Variants in GABRE observed in about 807,000 individuals in gnomAD.
The protein encoded by GABRE is gamma-aminobutyric acid receptor subunit epsilon.
Under a neutral mutation model 31.0 loss-of-function variants are expected in GABRE, and 20 were observed. The observed-to-expected ratio is 0.64, with a 90% CI of 0.45 to 0.94. The LOEUF (loss-of-function observed/expected upper bound fraction) is 0.94. Ranked by LOEUF, GABRE falls within the 40% of genes least tolerant of loss-of-function variation. GABRE has a pLI of 0.00. For missense variants in GABRE, 420 were observed against 410.7 expected, an observed-to-expected ratio of 1.02 and a Z score of -0.20; for synonymous variants, 155 against 150.6, an observed-to-expected ratio of 1.03 and a Z score of -0.21.
At chrX:151,965,668 C>T (rs140252564) in intron 3 of GABRE, among the ~76,000 whole-genome samples, 1 of 113,072 alleles carries the variant, frequency 8.8e-6, no homozygotes, top group East Asian at 2.8e-4. Context: ...TAGGTCTTTC[C>T]GCTGACTTCT....
At chrX:151,958,981 T>A in intron 6 of GABRE, 1 of 327,810 alleles carries the variant, frequency 3.1e-6, no homozygotes, top group Non-Finnish European at 6.0e-6. Context: ...CAGAACAAGA[T>A]GCCTCTCACG....
In GABRE at chrX:151,960,912, A is replaced by T. The variant is rs190981804; in HGVS notation, c.646+371T>A. Among the ~76,000 whole-genome samples the T allele has an allele frequency of 2.7e-5, 3 of 112,023 alleles. No individual in the cohort carries two copies. The East Asian group carries it at 8.5e-4, about 32-fold the overall frequency. On this transcript the variant is annotated intron_variant, in intron 5 of 8. Coordinates refer to ENST00000370328, the MANE Select transcript of GABRE (RefSeq NM_004961.4). ...TCTTCAATGAGACAGATGGGAACCC[A>T]GAAGCAACACACTTGTTTTGGTGGT...
intron 1 of GABRE, chrX:151,971,947 A>C (rs1934718518): frequency 5.4e-6 from 2 of 373,378 alleles, no homozygotes; most frequent in Non-Finnish European, 3.3e-6. Flanking sequence ...TTCCTGATCT[A>C]GGTGTTGGTT....
At chrX:151,966,199 G>A (rs896976757) in intron 3 of GABRE, among the ~76,000 whole-genome samples, 3 of 112,562 alleles carry the variant, frequency 2.7e-5, no homozygotes, top group Admixed American at 9.4e-5. Flanking sequence ...AAAGGAGCTT[G>A]CGATGTACAT....
chrX:151,965,350 C>T (rs376861102), intron 3 of GABRE, among the ~76,000 whole-genome samples: 100 of 111,317 alleles, frequency 9.0e-4, no homozygotes, highest in African/African-American at 3.1e-3. Flanking sequence ...ATTGTCTGTC[C>T]CATAAAATGT....
chrX:151,962,701 A>C, intron 3 of GABRE, 58 bp from the exon 4 acceptor site: 1 of 969,676 alleles, frequency 1.0e-6, no homozygotes. Context: ...GGACATTCAC[A>C]TGCAAACATA....
rs945279167 is a variant in GABRE at position 151,953,914 on chromosome X, G to T, written c.*787C>A. On this transcript the variant is annotated 3_prime_UTR_variant, in exon 9 of 9. Coordinates refer to ENST00000370328, the MANE Select transcript of GABRE (RefSeq NM_004961.4). ...ACAGGGGTCAAAGAGAAGGAAGAGG[G>T]TGGCATATAAAGCAGGGAGTAGTTA... 1.8e-5 allele frequency: 2 copies of T among 112,081 alleles called. No homozygotes were observed. Among genetic ancestry groups the T allele is most frequent in the Non-Finnish European group, 3.8e-5 (2 of 53,230 alleles). The allele number at this position is 112,081 out of a possible 1,213,427, so 9.2% of individuals were successfully genotyped here.
At chrX:151,967,456 C>G (rs190568142) in intron 3 of GABRE, among the ~76,000 whole-genome samples, 1 of 111,832 alleles carries the variant, frequency 8.9e-6, no homozygotes, top group African/African-American at 3.3e-5. Flanking sequence ...AGAATAGCAT[C>G]GTGAGCCACT....
chrX:151,974,647 C>A lies in GABRE; in HGVS notation c.-22G>T, dbSNP rs201582441. The A allele has an allele frequency of 8.7e-4, 990 of 1,141,471 alleles. 5 individuals are homozygous for A. In the African/African-American group the frequency reaches 0.015, roughly 17 times the overall value. 94.1% of individuals were successfully genotyped at this position (1,141,471 alleles called of 1,213,427 possible). ...ACATTTCCGCGGAGACCGGCGCGAC[C>A]ACCTGCGCGGAGGTCGCGGCTCACG... On this transcript the variant is annotated 5_prime_UTR_variant, in exon 1 of 9. Transcript: ENST00000370328.
chrX:151,967,610 T>C (rs771004817), intron 3 of GABRE, among the ~76,000 whole-genome samples: 1 of 112,525 alleles, frequency 8.9e-6, no homozygotes, highest in Non-Finnish European at 1.9e-5. Flanking sequence ...GCTAAATTCA[T>C]ACCCATTTTT....
intron 3 of GABRE, among the ~76,000 whole-genome samples, chrX:151,966,054 T>C (rs754644550): frequency 2.7e-5 from 3 of 112,568 alleles, no homozygotes; most frequent in Non-Finnish European, 3.8e-5. Flanking sequence ...TGGGAAGCCT[T>C]GCCCTCTGCA....
At chrX:151,974,493 GTCCC>G in intron 1 of GABRE, 73 bp downstream of exon 1, 1 of 699,370 alleles carries the variant, frequency 1.4e-6, no homozygotes, top group Non-Finnish European at 2.1e-6. Context: ...GGCCGCTGGG[GTCCC>G]GGGAGCCGTC....
At chrX:151,961,096 C>T (rs1001397434) in intron 5 of GABRE, 187 bp downstream of exon 5, 5 of 410,914 alleles carry the variant, frequency 1.2e-5, no homozygotes, top group African/African-American at 7.7e-5. Context: ...TTCAGAGGCA[C>T]GTGGAAGGGA....
At chrX:151,972,195 T>C in intron 1 of GABRE, 7 of 754,093 alleles carry the variant, frequency 9.3e-6, no homozygotes, top group Non-Finnish European at 1.1e-5. Context: ...CTGTTAGAAT[T>C]GCTTAAGTGG....
Position 151,974,197 on chromosome X carries a change from G to A in GABRE, c.56+373C>T, listed in dbSNP as rs751345564. 4.5e-5 allele frequency among the ~76,000 whole-genome samples: 5 copies of A among 111,977 alleles called. No homozygotes were observed. The South Asian group carries it at 1.9e-3, about 42-fold the overall frequency. On this transcript the variant is annotated intron_variant, in intron 1 of 8. Coordinates refer to ENST00000370328, the MANE Select transcript of GABRE (RefSeq NM_004961.4). ...ACCTCCGGCCCCCCCAGTAGCTGAAGCCTGCCCTGGCCGGTCACCCCGGGG... is the reference window on the plus strand; with the variant it reads ...ACCTCCGGCCCCCCCAGTAGCTGAAACCTGCCCTGGCCGGTCACCCCGGGG...
At chrX:151,964,333 C>T (rs1430456680) in intron 3 of GABRE, among the ~76,000 whole-genome samples, 1 of 111,907 alleles carries the variant, frequency 8.9e-6, no homozygotes. Flanking sequence ...AGGTTCCATG[C>T]TATTCTGTGA....
At chrX:151,962,987 T>C (rs1156324822) in intron 3 of GABRE, among the ~76,000 whole-genome samples, 1 of 111,664 alleles carries the variant, frequency 9.0e-6, no homozygotes, top group Non-Finnish European at 1.9e-5. Flanking sequence ...ATAGAAAAGT[T>C]TGCCTTAAAC....
chrX:151,973,573 C>T (rs1234394245), intron 1 of GABRE, among the ~76,000 whole-genome samples: 1 of 111,236 alleles, frequency 9.0e-6, no homozygotes, highest in Non-Finnish European at 1.9e-5. Flanking sequence ...AAGACACAAG[C>T]CCAGTGCCAT....
intron 6 of GABRE, chrX:151,958,664 C>T (rs1211442111): frequency 2.7e-6 from 1 of 368,910 alleles, no homozygotes; most frequent in South Asian, 2.5e-5. Flanking sequence ...AGCCCCTGGG[C>T]CTTATCTTCT....
Sources: allele counts gnomAD v4.1 joint callset (sites outside exome capture counted in the v4.1 genomes callset), GRCh38; gene constraint gnomAD v4.1.1; transcripts MANE v1.5; gene names NCBI Gene and HGNC (gene_info 2026-07-23, HGNC 2026-07-21).